OR7A5: variants seen among roughly 807,000 people sequenced by gnomAD.
OR7A5 encodes olfactory receptor 7A5.
For synonymous variants in OR7A5, 140 were observed against 146.7 expected (o/e 0.95, Z 0.33); for missense variants, 319 against 377.9 (o/e 0.84, Z 1.29).
Position 14,827,121 on chromosome 19 carries a change from GCTTAATAAA to G in OR7A5, c.*152_*160del. The stretch of plus-strand genomic sequence containing the variant: ...ACTGTTGGATATCAGAGAGCAGAAA[GCTTAATAAA>G]AGGAGTTGCTTAAATTCTACAAGAC... On this transcript the variant is annotated 3_prime_UTR_variant, in exon 2 of 2. Coordinates refer to ENST00000322301, the MANE Select transcript of OR7A5 (RefSeq NM_017506.2). The G allele has an allele frequency of 6.3e-6, 4 of 630,066 alleles. No homozygotes were observed. The highest frequency in any genetic ancestry group is 9.6e-6 in the Non-Finnish European group (4 of 414,604). 39.0% of individuals were successfully genotyped at this position (630,066 alleles called of 1,614,324 possible). A position where few individuals can be genotyped will look rare whatever the true frequency, so the allele number is the denominator to read the frequency against.
At chr19:14,831,731 C>T (rs1224036961) in intron 1 of OR7A5, among the ~76,000 whole-genome samples, 2 of 149,814 alleles carry the variant, frequency 1.3e-5, no homozygotes, top group African/African-American at 2.5e-5. Context: ...GCGTGAGCCA[C>T]CGCGCCTGGC....
rs747021255 is a variant in OR7A5, at chr19:14,828,220, G to A, written c.22C>T (p.Gln8Ter). 3 of 1,612,160 alleles carry A rather than the reference G, an allele frequency of 1.9e-6. No homozygotes were observed. Among genetic ancestry groups the A allele is most frequent in the Non-Finnish European group, 2.5e-6 (3 of 1,178,572 alleles). ...CCCAGAAGAAGAAATTCTGAAATTT[G>A]TGTATCATTTCCTGGTTCCATTTGA... Reference protein sequence around the residue: MEPGNDTQISEFLLLGFS... With the variant: MEPGNDT The change falls in exon 2 of 2, where the codon CAA becomes TAA. Residue 8 changes from glutamine (Q) to a stop codon, truncating the protein, a stop_gained. Coordinates refer to ENST00000322301, the MANE Select transcript of OR7A5 (RefSeq NM_017506.2). LOFTEE classifies it low-confidence loss of function (END_TRUNC).
At position 14,827,793 on chromosome 19, in the gene OR7A5, G is replaced by A. The variant is rs1406671500; in HGVS notation, c.449C>T (p.Thr150Ile). ...LCGLLVLASW[T>I]MSALYSLLQI... The stretch of plus-strand genomic sequence containing the variant: ...TAGCAAGGAATACAGAGCACTCATG[G>A]TCCAGGATGCTAGAACCAGCAGTCC... Residue 150 changes from threonine to isoleucine, a missense_variant, in exon 2 of 2, where the codon ACC becomes ATC. By Grantham distance (89) the Thr-to-Ile change is moderately conservative (BLOSUM62 -1). Transcript: ENST00000322301. 1.9e-6 allele frequency: 3 copies of A among 1,614,066 alleles called. No homozygotes were observed. The highest frequency in any genetic ancestry group is 2.7e-5 in the African/African-American group (2 of 74,910).
At chr19:14,834,889 C>T in intron 1 of OR7A5, among the ~76,000 whole-genome samples, 185 bp downstream of exon 1, 1 of 152,158 alleles carries the variant, frequency 6.6e-6, no homozygotes, top group Non-Finnish European at 1.5e-5. Context: ...TCAGTGTTCA[C>T]TTTTCTTTTT....
intron 1 of OR7A5, among the ~76,000 whole-genome samples, chr19:14,828,821 T>C (rs767567565): frequency 2.3e-5 from 3 of 132,030 alleles, no homozygotes; most frequent in Non-Finnish European, 4.8e-5. Context: ...TTGAGGAATA[T>C]AAATTGAATG....
chr19:14,829,902 G>A (rs1003294996), intron 1 of OR7A5, among the ~76,000 whole-genome samples: 1 of 152,088 alleles, frequency 6.6e-6, no homozygotes, highest in Non-Finnish European at 1.5e-5. Flanking sequence ...GCCGAAGAGG[G>A]CCCAGGCAGG....
chr19:14,828,306 A>G, intron 1 of OR7A5, 52 bp from the exon 2 acceptor site: 1 of 1,478,368 alleles, frequency 6.8e-7, no homozygotes, highest in South Asian at 1.3e-5. Context: ...TGCATTGCTA[A>G]CCTTTCAGAA....
In OR7A5 at chr19:14,827,155, C is replaced by G; in HGVS notation, c.*127G>C. On this transcript the variant is annotated 3_prime_UTR_variant, in exon 2 of 2. Coordinates refer to ENST00000322301, the MANE Select transcript of OR7A5 (RefSeq NM_017506.2). ...AAGGAGTTGCTTAAATTCTACAAGACCAGTTGAAATCACAACAAATTGAAA... is the reference window on the plus strand; with the variant it reads ...AAGGAGTTGCTTAAATTCTACAAGAGCAGTTGAAATCACAACAAATTGAAA... 1 of 944,020 alleles carries G rather than the reference C, an allele frequency of 1.1e-6. No homozygotes were observed. The highest frequency in any genetic ancestry group is 1.5e-6 in the Non-Finnish European group (1 of 681,534). 58.5% of individuals were successfully genotyped at this position (944,020 alleles called of 1,614,324 possible). A position where few individuals can be genotyped will look rare whatever the true frequency, so the allele number is the denominator to read the frequency against.
chr19:14,828,528 AAGC>A (rs2065559640), intron 1 of OR7A5, among the ~76,000 whole-genome samples: 1 of 152,096 alleles, frequency 6.6e-6, no homozygotes, highest in African/African-American at 2.4e-5. Flanking sequence ...TGGGAGGTCA[AAGC>A]AGGCGGATCA....
chr19:14,831,977 TA>T (rs2044837855), intron 1 of OR7A5, among the ~76,000 whole-genome samples: 1 of 152,094 alleles, frequency 6.6e-6, no homozygotes, highest in African/African-American at 2.4e-5. Context: ...GGTGCAATCA[TA>T]GCTCACTGCA....
chr19:14,829,815 C>T (rs1370191141), intron 1 of OR7A5, among the ~76,000 whole-genome samples: 1 of 152,166 alleles, frequency 6.6e-6, no homozygotes, highest in Non-Finnish European at 1.5e-5. Context: ...GTCCCTCTTG[C>T]TCTGAAACCT....
chr19:14,832,022 C>A (rs2044838277), intron 1 of OR7A5, among the ~76,000 whole-genome samples: 1 of 152,054 alleles, frequency 6.6e-6, no homozygotes, highest in Non-Finnish European at 1.5e-5. Context: ...AATACTCATG[C>A]CTCAGCTTCT....
chr19:14,830,442 G>C (rs1284573873), intron 1 of OR7A5, among the ~76,000 whole-genome samples: 1 of 151,462 alleles, frequency 6.6e-6, no homozygotes, highest in Non-Finnish European at 1.5e-5. Flanking sequence ...AGGTTAGCAA[G>C]AAAGGAACTG....
intron 1 of OR7A5, among the ~76,000 whole-genome samples, chr19:14,829,477 A>T (rs946668041): frequency 6.6e-6 from 1 of 152,210 alleles, no homozygotes; most frequent in South Asian, 2.1e-4. Flanking sequence ...TGCTGGGATT[A>T]TAGGCATGAG....
rs937779041 is a variant in OR7A5 at position 14,827,032 on chromosome 19, A to C, written c.*250T>G. 14 of 328,912 alleles carry C rather than the reference A, an allele frequency of 4.3e-5. No individual in the cohort carries two copies. The East Asian group carries it at 6.6e-4, about 16-fold the overall frequency. 20.4% of individuals were successfully genotyped at this position (328,912 alleles called of 1,614,324 possible). On this transcript the variant is annotated 3_prime_UTR_variant, in exon 2 of 2. Transcript: ENST00000322301. ...CTGTATGAGACAAATGGAAATCTCC[A>C]AAGTGTTTCTGATCCAAAGTCGGAA...
At chr19:14,831,025 C>T (rs2044827112) in intron 1 of OR7A5, among the ~76,000 whole-genome samples, 1 of 152,210 alleles carries the variant, frequency 6.6e-6, no homozygotes, top group African/African-American at 2.4e-5. Flanking sequence ...CAGTCAGCTC[C>T]TTTCTTGCTA....
intron 1 of OR7A5, among the ~76,000 whole-genome samples, chr19:14,828,985 C>T (rs1000751571): frequency 6.6e-6 from 1 of 151,850 alleles, no homozygotes; most frequent in South Asian, 2.1e-4. Context: ...TGGGAACAGG[C>T]GCTTGGAAAA....
At chr19:14,829,632 A>C (rs1599925611) in intron 1 of OR7A5, among the ~76,000 whole-genome samples, 1 of 152,234 alleles carries the variant, frequency 6.6e-6, no homozygotes, top group Admixed American at 6.5e-5. Flanking sequence ...CTGTCAAAAC[A>C]TCAAGGGACA....
intron 1 of OR7A5, among the ~76,000 whole-genome samples, chr19:14,830,554 C>T (rs2044821597): frequency 6.6e-6 from 1 of 152,070 alleles, no homozygotes; most frequent in South Asian, 2.1e-4. Context: ...TCCTCGATGC[C>T]TGGCAAAATA....
Sources: allele counts gnomAD v4.1 joint callset (sites outside exome capture counted in the v4.1 genomes callset), GRCh38; gene constraint gnomAD v4.1.1; transcripts MANE v1.5; gene names NCBI Gene and HGNC (gene_info 2026-07-23, HGNC 2026-07-21).